KIAA0319L: variants seen among roughly 807,000 people sequenced by gnomAD.
KIAA0319L encodes the protein KIAA0319 like, also known as dyslexia-associated protein KIAA0319-like protein.
In KIAA0319L, 55 loss-of-function variants were observed where a neutral mutation model predicts 120.1. That is an observed-to-expected ratio of 0.46 (90% CI 0.37 to 0.57). The LOEUF (loss-of-function observed/expected upper bound fraction) is 0.57, where lower values mean the gene tolerates loss of function less well. Among genes scored for constraint, KIAA0319L ranks in the 20% least tolerant of loss-of-function variants. The pLI, the probability that KIAA0319L is intolerant of heterozygous loss-of-function variation, is 0.00. For missense variants in KIAA0319L, 1,049 were observed against 1,255.3 expected, an observed-to-expected ratio of 0.84 and a Z score of 2.48; for synonymous variants, 398 against 471.9, an observed-to-expected ratio of 0.84 and a Z score of 2.03.
chr1:35,493,332 T>C (rs1032254343), intron 3 of KIAA0319L, among the ~76,000 whole-genome samples: 3 of 152,120 alleles, frequency 2.0e-5, no homozygotes, highest in South Asian at 2.1e-4. Flanking sequence ...ATACCTACTA[T>C]GTACGTACCC....
intron 2 of KIAA0319L, among the ~76,000 whole-genome samples, chr1:35,514,939 T>C (rs1010437010): frequency 6.6e-6 from 1 of 152,188 alleles, no homozygotes; most frequent in Non-Finnish European, 1.5e-5. Context: ...AGAATATACA[T>C]TCTTCTTATA....
chr1:35,504,574 T>C (rs1645141730), intron 3 of KIAA0319L, among the ~76,000 whole-genome samples: 1 of 152,222 alleles, frequency 6.6e-6, no homozygotes, highest in Non-Finnish European at 1.5e-5. Context: ...TAATCGACTG[T>C]TTATCTTATT....
At position 35,493,847 on chromosome 1, in the gene KIAA0319L, A is replaced by T. The variant is rs184654691; in HGVS notation, c.666+12765T>A. On this transcript the variant is annotated intron_variant, in intron 3 of 20. Transcript: ENST00000325722. Reference sequence around the variant, plus strand: ...GTGACAAAGTGAGACCCTATCTCAAACAAACAAACAAACAAACAAACAAAA... The same window carrying T: ...GTGACAAAGTGAGACCCTATCTCAATCAAACAAACAAACAAACAAACAAAA... Among the ~76,000 whole-genome samples, 18 of 144,186 alleles carry T rather than the reference A, an allele frequency of 1.2e-4. 2 individuals are homozygous for T. The highest frequency in any genetic ancestry group is 4.7e-4 in the African/African-American group (16 of 34,310). The allele number at this position is 144,186 out of a possible 152,430, so 94.6% of individuals were successfully genotyped here.
At chr1:35,441,711 T>C (rs1222646721) in intron 19 of KIAA0319L, among the ~76,000 whole-genome samples, 1 of 152,038 alleles carries the variant, frequency 6.6e-6, no homozygotes, top group Non-Finnish European at 1.5e-5. Flanking sequence ...AGAAATAATA[T>C]TATTAATAAT....
At chr1:35,441,248 G>T in intron 19 of KIAA0319L, 110 bp from the exon 20 acceptor site, 1 of 852,694 alleles carries the variant, frequency 1.2e-6, no homozygotes, top group Non-Finnish European at 2.0e-6. Context: ...CCTACTGAGA[G>T]GGGTGTCCTC....
At chr1:35,464,390 C>A (rs1312816212) in intron 7 of KIAA0319L, among the ~76,000 whole-genome samples, 3 of 152,184 alleles carry the variant, frequency 2.0e-5, no homozygotes, top group African/African-American at 7.2e-5. Context: ...TTCGCAGAGA[C>A]TGGCAGCATT....
intron 5 of KIAA0319L, among the ~76,000 whole-genome samples, chr1:35,474,546 T>C (rs746498036): frequency 6.6e-6 from 1 of 152,188 alleles, no homozygotes; most frequent in South Asian, 2.1e-4. Flanking sequence ...ATGTAGAACT[T>C]AGAAAGAAGT....
At chr1:35,493,394 T>C (rs74600006) in intron 3 of KIAA0319L, among the ~76,000 whole-genome samples, 2,892 of 151,942 alleles carry the variant, frequency 0.019, 79 homozygotes, top group African/African-American at 0.067. Flanking sequence ...GTGCAAGATC[T>C]CTGTTGGAGG....
chr1:35,484,781 TA>T (rs1558438772), intron 3 of KIAA0319L, among the ~76,000 whole-genome samples: 9 of 45,458 alleles, frequency 2.0e-4, no homozygotes, highest in Admixed American at 8.2e-4. Flanking sequence ...TATATATATA[TA>T]TATATATATA....
At chr1:35,503,398 A>G (rs780524342) in intron 3 of KIAA0319L, among the ~76,000 whole-genome samples, 56 of 152,054 alleles carry the variant, frequency 3.7e-4, no homozygotes, top group Non-Finnish European at 7.4e-4. Flanking sequence ...GCATTGGCAC[A>G]CTCCAGGAAC....
chr1:35,507,593 T>C (rs142810976), intron 2 of KIAA0319L, among the ~76,000 whole-genome samples: 2 of 152,170 alleles, frequency 1.3e-5, no homozygotes, highest in African/African-American at 4.8e-5. Context: ...CAGGTAGCAA[T>C]GTGAGAACTG....
In KIAA0319L at chr1:35,506,936, C is replaced by G; in HGVS notation, c.342G>C (p.Gln114His). The G allele has an allele frequency of 6.2e-7, 1 of 1,614,050 alleles. No individual in the cohort carries two copies. Among genetic ancestry groups the G allele is most frequent in the African/African-American group, 1.3e-5 (1 of 75,060 alleles). ...MCIQADCSRP[Q>H]SCRAFRTHSS... ...AGTGTGTCCTAAAAGCCCGGCAGCT[C>G]TGGGGCCTGCTGCAGTCTGCCTGAA... is the stretch of plus-strand genomic sequence containing the variant. Residue 114 changes from glutamine (Q) to histidine (H), a missense_variant, in exon 3 of 21, where the codon CAG becomes CAC. Physicochemically the swap from Gln to His is conservative, Grantham distance 24 (BLOSUM62 0). Transcript: ENST00000325722. The surrounding 1 kb of genome is among the most constrained non-coding windows in gnomAD (Gnocchi z 4.0).
rs375205434 is a variant in KIAA0319L at position 35,448,289 on chromosome 1, G to A, written c.2397C>T (p.Asn799=). Residue 799 remains asparagine, a synonymous_variant, in exon 16 of 21, where the codon AAC becomes AAT. Transcript: ENST00000325722. ...TCAGCCTCTCAGTTAGCTGACTGACGTTGATATCCAAGATGATCTCCACCA... is the reference window on the plus strand; with the variant it reads ...TCAGCCTCTCAGTTAGCTGACTGACATTGATATCCAAGATGATCTCCACCA... The part of the protein sequence containing the change: ...NNLVEIILDI[N]VSQLTERLKG... 4.3e-6 allele frequency: 7 copies of A among 1,614,046 alleles called. No homozygotes were observed. The highest frequency in any genetic ancestry group is 2.2e-5 in the South Asian group (2 of 91,058).
At chr1:35,533,668 TAC>T (rs1333974619) in intron 2 of KIAA0319L, among the ~76,000 whole-genome samples, 2 of 152,234 alleles carry the variant, frequency 1.3e-5, no homozygotes, top group Non-Finnish European at 2.9e-5. Context: ...ACTATGGCTC[TAC>T]ACCATCTGTC....
rs1365703961 is a variant in KIAA0319L at position 35,449,404 on chromosome 1, C to T, written c.2353+463G>A. Among the ~76,000 whole-genome samples, 7 of 152,334 alleles carry T rather than the reference C, an allele frequency of 4.6e-5. No individual in the cohort carries two copies. In the East Asian group the frequency reaches 1.3e-3, roughly 29 times the overall value. On this transcript the variant is annotated intron_variant, in intron 15 of 20. Transcript: ENST00000325722. The stretch of plus-strand genomic sequence containing the variant: ...GTAAAGAGCACTATTACTTTACCTT[C>T]CCTGGATTATCAGACAAGGCCTGAG...
At chr1:35,466,236 A>T (rs1388446562) in intron 7 of KIAA0319L, among the ~76,000 whole-genome samples, 1 of 152,226 alleles carries the variant, frequency 6.6e-6, no homozygotes, top group Non-Finnish European at 1.5e-5. Flanking sequence ...GAAAGAGATC[A>T]GAAAGAGCTG....
At chr1:35,514,080 T>A (rs1421862065) in intron 2 of KIAA0319L, among the ~76,000 whole-genome samples, 1 of 152,234 alleles carries the variant, frequency 6.6e-6, no homozygotes, top group Non-Finnish European at 1.5e-5. Context: ...TCTAAATTTG[T>A]ATATTCTAGT....
Position 35,460,432 on chromosome 1 carries a change from T to C in KIAA0319L, c.1300A>G (p.Thr434Ala), listed in dbSNP as rs1642808610. ...TACTGAACGATTTTATCATCATCAG[T>C]GCTTTCTTGACCATAAAGAAACATC... Reference protein sequence around the residue: ...TSTVIDGSQSTDDDKIVQYHW... With the variant: ...TSTVIDGSQSADDDKIVQYHW... The change falls in exon 9 of 21, where the codon ACT becomes GCT. Residue 434 changes from threonine to alanine, a missense_variant. Coordinates refer to ENST00000325722, the MANE Select transcript of KIAA0319L (RefSeq NM_024874.5). 2 of 1,612,714 alleles carry C rather than the reference T, an allele frequency of 1.2e-6. No homozygotes were observed. Among genetic ancestry groups the C allele is most frequent in the African/African-American group, 2.7e-5 (2 of 74,808 alleles).
chr1:35,554,327 T>C, intron 2 of KIAA0319L, 23 bp downstream of exon 2: 1 of 1,514,796 alleles, frequency 6.6e-7, no homozygotes, highest in Non-Finnish European at 8.8e-7. Flanking sequence ...AAAAAAATCT[T>C]AAATCTATAA....
Sources: gnomAD v4.1 joint callset for allele counts (sites outside exome capture counted in the v4.1 genomes callset) on GRCh38, gnomAD v4.1.1 for gene constraint, Gnocchi (gnomAD v3.1) non-coding constraint, MANE v1.5 for transcripts, NCBI Gene and HGNC (gene_info 2026-07-23, HGNC 2026-07-21) for gene names.